PDE10A: variants seen among roughly 807,000 people sequenced by gnomAD.
PDE10A encodes the protein phosphodiesterase 10A.
In PDE10A, 39 loss-of-function variants were observed where a neutral mutation model predicts 97.7. The ratio of observed to expected loss-of-function variants is 0.40; its 90% CI spans 0.31 to 0.52. PDE10A has a LOEUF of 0.52. Among genes scored for constraint, PDE10A ranks in the 20% least tolerant of loss-of-function variants. The pLI, the probability that PDE10A is intolerant of heterozygous loss-of-function variation, is 0.56. For missense variants in PDE10A, 731 were observed against 1,047.8 expected, an observed-to-expected ratio of 0.70 and a Z score of 4.17; for synonymous variants, 371 against 376.8, an observed-to-expected ratio of 0.98 and a Z score of 0.18.
chr6:165,528,488 G>A lies in PDE10A; in HGVS notation c.994+14952C>T, dbSNP rs191854326. ...TCGATATGGCACCATTTCTCAGGGT[G>A]ATCAGCTAGCTACCTGGTGGCAGTT... On this transcript the variant is annotated intron_variant, in intron 2 of 21. Coordinates refer to ENST00000539869, the MANE Select transcript of PDE10A (RefSeq NM_001385079.1). 8.5e-5 allele frequency among the ~76,000 whole-genome samples: 13 copies of A among 152,336 alleles called. No homozygotes were observed. The East Asian group carries it at 2.5e-3, about 29-fold the overall frequency.
chr6:165,502,946 T>A (rs532160054), intron 2 of PDE10A, among the ~76,000 whole-genome samples: 7 of 152,318 alleles, frequency 4.6e-5, no homozygotes, highest in Non-Finnish European at 7.4e-5. Flanking sequence ...TATACATTCA[T>A]GAAAACTCAT....
At chr6:165,903,708 C>T (rs748907669) in intron 1 of PDE10A, among the ~76,000 whole-genome samples, 34 of 151,970 alleles carry the variant, frequency 2.2e-4, no homozygotes, top group African/African-American at 3.6e-4. Flanking sequence ...AAAGCCATTA[C>T]TTTGGATGAG....
intron 13 of PDE10A, among the ~76,000 whole-genome samples, chr6:165,403,715 T>TA (rs1182445520): frequency 1.3e-5 from 2 of 152,308 alleles, no homozygotes; most frequent in Admixed American, 6.5e-5. Context: ...ATCAAATACA[T>TA]ACTCCACATA....
intron 1 of PDE10A, among the ~76,000 whole-genome samples, chr6:165,714,948 T>TC (rs34194738): frequency 0.7 from 106,379 of 152,206 alleles, 38,622 homozygotes; most frequent in African/African-American, 0.9. Context: ...AGTGGGTTGT[T>TC]CCCTTGCTCT....
intron 1 of PDE10A, among the ~76,000 whole-genome samples, chr6:165,723,937 C>G (rs935440234): frequency 2.0e-5 from 3 of 151,912 alleles, no homozygotes; most frequent in African/African-American, 7.3e-5. Context: ...AAGTAAAAAG[C>G]TGATTTCACT....
At chr6:165,393,567 A>T (rs1351336229) in intron 15 of PDE10A, among the ~76,000 whole-genome samples, 1 of 152,074 alleles carries the variant, frequency 6.6e-6, no homozygotes, top group Non-Finnish European at 1.5e-5. Context: ...CTCCACTGAA[A>T]ATTTTCAAAT....
At chr6:165,338,321 CT>C (rs1226909744) in intron 20 of PDE10A, among the ~76,000 whole-genome samples, 10 of 152,126 alleles carry the variant, frequency 6.6e-5, no homozygotes, top group African/African-American at 2.4e-4. Context: ...ATCCTGTGGA[CT>C]TTTTTAAACA....
chr6:165,709,727 C>T (rs1359741649), intron 1 of PDE10A, among the ~76,000 whole-genome samples: 2 of 132,038 alleles, frequency 1.5e-5, no homozygotes, highest in Non-Finnish European at 3.2e-5. Flanking sequence ...CCACTCTCTA[C>T]CCCCATGCTG....
At chr6:165,582,038 G>A (rs2128355987) in intron 1 of PDE10A, among the ~76,000 whole-genome samples, 1 of 152,240 alleles carries the variant, frequency 6.6e-6, no homozygotes, top group South Asian at 2.1e-4. Flanking sequence ...AGAAATCTAA[G>A]GATGACAAGA....
intron 3 of PDE10A, among the ~76,000 whole-genome samples, chr6:165,458,669 G>A (rs1445269462): frequency 6.6e-6 from 1 of 150,428 alleles, no homozygotes. Flanking sequence ...ACAGGCGCAC[G>A]CACACACACA....
chr6:165,456,416 T>C (rs1777957386), intron 3 of PDE10A, among the ~76,000 whole-genome samples: 1 of 152,154 alleles, frequency 6.6e-6, no homozygotes, highest in African/African-American at 2.4e-5. Context: ...TCATTCAGGC[T>C]CCACACAAAT....
intron 18 of PDE10A, among the ~76,000 whole-genome samples, chr6:165,344,582 C>A (rs1782186730): frequency 6.6e-6 from 1 of 152,166 alleles, no homozygotes; most frequent in African/African-American, 2.4e-5. Context: ...AGGCAGACAG[C>A]ACATTAGGAG....
chr6:165,393,989 C>T (rs755668715), intron 15 of PDE10A, among the ~76,000 whole-genome samples: 3 of 151,990 alleles, frequency 2.0e-5, no homozygotes, highest in African/African-American at 7.3e-5. Flanking sequence ...TGTTTCTTTT[C>T]GATCTATTCT....
intron 1 of PDE10A, among the ~76,000 whole-genome samples, chr6:165,722,001 T>G (rs1792178345): frequency 6.6e-6 from 1 of 152,226 alleles, no homozygotes; most frequent in Non-Finnish European, 1.5e-5. Flanking sequence ...AAGCTAAGGA[T>G]TCCAAGGTGA....
intron 1 of PDE10A, among the ~76,000 whole-genome samples, chr6:165,707,832 A>G (rs1400319313): frequency 1.3e-5 from 2 of 152,012 alleles, no homozygotes; most frequent in Admixed American, 6.6e-5. Flanking sequence ...CTTTTCCTTT[A>G]GGGGATCTTG....
At chr6:165,899,108 G>A (rs555719170) in intron 1 of PDE10A, among the ~76,000 whole-genome samples, 27 of 152,342 alleles carry the variant, frequency 1.8e-4, no homozygotes, top group Admixed American at 1.6e-3. Context: ...GCATCCAGAA[G>A]AGTGTCTGGC....
intron 10 of PDE10A, among the ~76,000 whole-genome samples, chr6:165,425,770 C>CGTGTGT (rs57229720): frequency 0.035 from 4,987 of 144,024 alleles, 171 homozygotes; most frequent in South Asian, 0.098. Flanking sequence ...AAGGCATGAT[C>CGTGTGT]GTGTGTGTGT....
chr6:165,588,589 A>G (rs1393037586), intron 1 of PDE10A, among the ~76,000 whole-genome samples: 1 of 152,106 alleles, frequency 6.6e-6, no homozygotes, highest in Non-Finnish European at 1.5e-5. Flanking sequence ...CTCCCAGCCT[A>G]AAGTTAGCTT....
intron 1 of PDE10A, among the ~76,000 whole-genome samples, chr6:165,815,423 A>C (rs1779382427): frequency 6.6e-6 from 1 of 152,096 alleles, no homozygotes; most frequent in South Asian, 2.1e-4. Context: ...GTGGTGTAGA[A>C]AAAGAGGTCC....
Sources: gnomAD v4.1 joint callset for allele counts (sites outside exome capture counted in the v4.1 genomes callset) on GRCh38, gnomAD v4.1.1 for gene constraint, MANE v1.5 for transcripts, NCBI Gene and HGNC (gene_info 2026-07-23, HGNC 2026-07-21) for gene names.